The following PPFIBP1 variants were observed in gnomAD, a reference collection of about 807,000 sequenced individuals.
PPFIBP1 encodes liprin-beta-1.
PPFIBP1 carries 112 observed loss-of-function variants against 137.8 expected under a neutral mutation model. That is an observed-to-expected ratio of 0.81 (90% confidence interval 0.70 to 0.95). The LOEUF is 0.95. PPFIBP1 is among the 40% of genes least tolerant of loss of function. The pLI is 0.00. For missense variants in PPFIBP1, 1,083 were observed against 1,196.6 expected (o/e 0.91, Z 1.40); for synonymous variants, 378 against 417.3 (o/e 0.91, Z 1.15).
At chr12:27,632,342 A>G (rs941552998) in intron 2 of PPFIBP1, among the ~76,000 whole-genome samples, 4 of 152,202 alleles carry the variant, frequency 2.6e-5, no homozygotes, top group Non-Finnish European at 5.9e-5. Context: ...TTTATTTCCC[A>G]GGTATTTGCT....
At chr12:27,596,071 TACACACACACAC>T (rs376577510) in intron 2 of PPFIBP1, among the ~76,000 whole-genome samples, 1 of 130,772 alleles carries the variant, frequency 7.6e-6, no homozygotes, top group African/African-American at 2.9e-5. Context: ...TGGGTATAAA[TACACACACACAC>T]ACACACACAC....
At chr12:27,538,693 A>G (rs1291125776) in intron 1 of PPFIBP1, among the ~76,000 whole-genome samples, 2 of 152,244 alleles carry the variant, frequency 1.3e-5, no homozygotes, top group Non-Finnish European at 2.9e-5. Context: ...CATTAGGCCT[A>G]TACCAGGCTC....
chr12:27,540,804 G>T (rs1160280933), intron 1 of PPFIBP1, among the ~76,000 whole-genome samples: 1 of 152,132 alleles, frequency 6.6e-6, no homozygotes, highest in Non-Finnish European at 1.5e-5. Flanking sequence ...GCTAAATCAT[G>T]TTCATATGAC....
intron 2 of PPFIBP1, among the ~76,000 whole-genome samples, chr12:27,581,314 A>AGTG (rs552385544): frequency 6.6e-6 from 1 of 152,180 alleles, no homozygotes; most frequent in Non-Finnish European, 1.5e-5. Flanking sequence ...CATGGATGAT[A>AGTG]GTGGTGAATG....
At chr12:27,610,898 G>A (rs1307879909) in intron 2 of PPFIBP1, among the ~76,000 whole-genome samples, 1 of 137,274 alleles carries the variant, frequency 7.3e-6, no homozygotes, top group African/African-American at 2.7e-5. Flanking sequence ...TTTTTTTTTT[G>A]TATCTATGGA....
intron 2 of PPFIBP1, among the ~76,000 whole-genome samples, chr12:27,595,630 G>A (rs1362879101): frequency 6.6e-6 from 1 of 151,980 alleles, no homozygotes; most frequent in African/African-American, 2.4e-5. Context: ...TGAGGTGGGC[G>A]GATCACCTGA....
intron 7 of PPFIBP1, 43 bp downstream of exon 7, chr12:27,650,184 A>C: frequency 6.7e-7 from 1 of 1,501,880 alleles, no homozygotes; most frequent in African/African-American, 1.4e-5. Context: ...TCTCTCTGTC[A>C]CTCTGTCTTT....
At chr12:27,570,330 G>T (rs930887557) in intron 1 of PPFIBP1, among the ~76,000 whole-genome samples, 9 of 152,088 alleles carry the variant, frequency 5.9e-5, no homozygotes, top group Non-Finnish European at 1.2e-4. Context: ...CTGCCTATTT[G>T]TTGGATGAGA....
chr12:27,666,635 T>C (rs1359509216), intron 12 of PPFIBP1, among the ~76,000 whole-genome samples: 1 of 152,232 alleles, frequency 6.6e-6, no homozygotes, highest in Non-Finnish European at 1.5e-5. Context: ...AGACGTTTTT[T>C]GCTTTAAAAT....
In PPFIBP1 at chr12:27,687,406, G is replaced by T. The variant is rs1363429727; in HGVS notation, c.2269G>T (p.Val757Phe). 2 of 1,613,786 alleles carry T rather than the reference G, an allele frequency of 1.2e-6. No individual in the cohort carries two copies. The highest frequency in any genetic ancestry group is 2.2e-5 in the South Asian group (2 of 91,070). ...MTVDDLLSLKVVSVLHHLSIK... is the reference protein window; with the variant it reads ...MTVDDLLSLKFVSVLHHLSIK... ...GCAGGATGACTTACTGTCTCTGAAG[G>T]TTGTAAGTGTGCTACACCATCTCAG... Residue 757 changes from valine to phenylalanine, a missense_variant, in exon 25 of 30, where the codon GTT becomes TTT. Coordinates refer to ENST00000228425, the MANE Select transcript of PPFIBP1 (RefSeq NM_003622.4).
chr12:27,656,593 T>TC (rs1200994585), intron 8 of PPFIBP1, 23 bp from the exon 9 acceptor site: 1 of 1,438,576 alleles, frequency 7.0e-7, no homozygotes, highest in Non-Finnish European at 9.8e-7. Context: ...TCTGCTATTT[T>TC]TAAATGAATT....
At chr12:27,632,161 A>G in intron 2 of PPFIBP1, among the ~76,000 whole-genome samples, 1 of 152,200 alleles carries the variant, frequency 6.6e-6, no homozygotes, top group Non-Finnish European at 1.5e-5. Flanking sequence ...ATGACTTTAA[A>G]TCAAAATAAT....
chr12:27,641,945 A>AT lies in PPFIBP1; in HGVS notation c.271-4117_271-4116insT, dbSNP rs1408953319. Among the ~76,000 whole-genome samples, 5 of 123,598 alleles carry AT rather than the reference A, an allele frequency of 4.0e-5. No individual in the cohort carries two copies. The East Asian group carries it at 1.1e-3, about 28-fold the overall frequency. 81.1% of individuals were successfully genotyped at this position (123,598 alleles called of 152,430 possible). A position where few individuals can be genotyped will look rare whatever the true frequency, so the allele number is the denominator to read the frequency against. Reference sequence around the variant, plus strand: ...TCACTATATTAAATCTTGCAACTGCAAAAATAAATAAATAAATAAATAAAT... The same window carrying AT: ...TCACTATATTAAATCTTGCAACTGCATAAAATAAATAAATAAATAAATAAAT... On this transcript the variant is annotated intron_variant, in intron 4 of 29. Transcript: ENST00000228425.
intron 2 of PPFIBP1, among the ~76,000 whole-genome samples, chr12:27,617,711 T>A (rs2055913897): frequency 6.6e-6 from 1 of 152,258 alleles, no homozygotes; most frequent in Admixed American, 6.5e-5. Context: ...ATTTCTTTTT[T>A]TATTTGAATA....
intron 2 of PPFIBP1, among the ~76,000 whole-genome samples, chr12:27,595,883 CAAAATATAT>C (rs1489908923): frequency 4.7e-5 from 1 of 21,218 alleles, no homozygotes; most frequent in African/African-American, 1.6e-4. Context: ...ACAACAACAA[CAAAATATAT>C]ATATATATAT....
At chr12:27,580,092 A>G (rs551457965) in intron 2 of PPFIBP1, among the ~76,000 whole-genome samples, 6 of 152,320 alleles carry the variant, frequency 3.9e-5, no homozygotes, top group African/African-American at 1.2e-4. Flanking sequence ...TGGAAAAGTA[A>G]GAGCCCCAGG....
chr12:27,592,199 A>G (rs898792234), intron 2 of PPFIBP1, among the ~76,000 whole-genome samples: 1 of 152,184 alleles, frequency 6.6e-6, no homozygotes, highest in African/African-American at 2.4e-5. Flanking sequence ...TTGGATTTGG[A>G]GCTGTCGTCC....
chr12:27,534,023 CG>C (rs1944700090), intron 1 of PPFIBP1, among the ~76,000 whole-genome samples: 1 of 152,128 alleles, frequency 6.6e-6, no homozygotes, highest in Non-Finnish European at 1.5e-5. Flanking sequence ...GAGGACTACA[CG>C]GGGGCTGATG....
At chr12:27,535,228 T>C (rs1200124860) in intron 1 of PPFIBP1, among the ~76,000 whole-genome samples, 1 of 152,184 alleles carries the variant, frequency 6.6e-6, no homozygotes, top group East Asian at 1.9e-4. Flanking sequence ...TCTCATACAG[T>C]TTTTTTCTCT....
Sources: gnomAD v4.1 joint callset for allele counts (sites outside exome capture counted in the v4.1 genomes callset) on GRCh38, gnomAD v4.1.1 for gene constraint, MANE v1.5 for transcripts, NCBI Gene and HGNC (gene_info 2026-07-23, HGNC 2026-07-21) for gene names.